CCDC7: variants seen among roughly 807,000 people sequenced by gnomAD.
CCDC7 encodes the protein coiled-coil domain-containing protein 7.
Under a neutral mutation model 196.9 loss-of-function variants are expected in CCDC7, and 183 were observed. The observed-to-expected ratio is 0.93, with a 90% CI of 0.82 to 1.05. The LOEUF (loss-of-function observed/expected upper bound fraction) is 1.05, where lower values mean the gene tolerates loss of function less well. Among genes scored for constraint, CCDC7 ranks in the 50% least tolerant of loss-of-function variants. The probability of loss-of-function intolerance (pLI) is 0.00; values close to 1 mark genes in which losing one functional copy is unlikely to be tolerated. For synonymous variants in CCDC7, 525 were observed against 484.6 expected, an observed-to-expected ratio of 1.08 and a Z score of -1.10; for missense variants, 1,540 against 1,482.2, an observed-to-expected ratio of 1.04 and a Z score of -0.64.
intron 20 of CCDC7, among the ~76,000 whole-genome samples, chr10:32,641,992 T>C (rs1313800353): frequency 6.6e-6 from 1 of 152,182 alleles, no homozygotes; most frequent in Non-Finnish European, 1.5e-5. Flanking sequence ...CAAATGTTGC[T>C]TCCTGATCGT....
rs754747291 is a variant in CCDC7 at position 32,567,164 on chromosome 10, ATTAT to A, written c.1198-501_1198-498del. ...TAGTAATTTTTCTTTATGAGGTGAG[ATTAT>A]TTATGAATTTTCTTTTTATTTATAT... On this transcript the variant is annotated intron_variant, in intron 14 of 41. Coordinates refer to ENST00000639629, the Ensembl canonical transcript of CCDC7. 5.2e-3 allele frequency among the ~76,000 whole-genome samples: 767 copies of A among 146,484 alleles called. 4 individuals carry two copies. The highest frequency in any genetic ancestry group is 9.2e-3 in the Non-Finnish European group (609 of 66,230).
At chr10:32,470,836 T>G (rs2037799065) in intron 5 of CCDC7, among the ~76,000 whole-genome samples, 1 of 152,168 alleles carries the variant, frequency 6.6e-6, no homozygotes, top group East Asian at 1.9e-4. Flanking sequence ...AACAGACAGT[T>G]AGATTTCAGG....
chr10:32,765,271 T>A (rs79035400), intron 28 of CCDC7, among the ~76,000 whole-genome samples: 1 of 151,906 alleles, frequency 6.6e-6, no homozygotes, highest in Non-Finnish European at 1.5e-5. Flanking sequence ...AATAATAAGA[T>A]TTTTTAGGGA....
chr10:32,813,288 G>A (rs77162385), intron 30 of CCDC7, among the ~76,000 whole-genome samples: 81 of 151,984 alleles, frequency 5.3e-4, no homozygotes, highest in African/African-American at 1.7e-3. Context: ...ATTTTTATAC[G>A]TTTTTATCTC....
chr10:32,809,029 T>C (rs1460758108), intron 30 of CCDC7, among the ~76,000 whole-genome samples: 1 of 152,168 alleles, frequency 6.6e-6, no homozygotes, highest in African/African-American at 2.4e-5. Context: ...AAACTTTTTT[T>C]AATTTGAAAA....
At chr10:32,492,356 T>C (rs894753773) in intron 9 of CCDC7, among the ~76,000 whole-genome samples, 1 of 152,086 alleles carries the variant, frequency 6.6e-6, no homozygotes, top group Non-Finnish European at 1.5e-5. Context: ...TACCCCAAAA[T>C]TGAAAACAGA....
intron 24 of CCDC7, among the ~76,000 whole-genome samples, chr10:32,708,140 A>C (rs1258703187): frequency 4.6e-5 from 7 of 152,014 alleles, no homozygotes; most frequent in Non-Finnish European, 8.8e-5. Flanking sequence ...ACCAATGGAA[A>C]AGAATAGAGC....
At chr10:32,800,625 G>A (rs185207787) in intron 29 of CCDC7, among the ~76,000 whole-genome samples, 1 of 152,322 alleles carries the variant, frequency 6.6e-6, no homozygotes, top group Admixed American at 6.5e-5. Flanking sequence ...CCTATGCACA[G>A]TTACCCTAGT....
intron 21 of CCDC7, among the ~76,000 whole-genome samples, chr10:32,685,264 T>C (rs1360023786): frequency 6.6e-6 from 1 of 151,866 alleles, no homozygotes; most frequent in Non-Finnish European, 1.5e-5. Context: ...GGTCAGTTTA[T>C]AGAGATTTTT....
chr10:32,699,715 G>A (rs1391571285), intron 24 of CCDC7, among the ~76,000 whole-genome samples: 1 of 149,370 alleles, frequency 6.7e-6, no homozygotes, highest in Non-Finnish European at 1.5e-5. Flanking sequence ...TCCAGCACCT[G>A]TTGTCTCCTG....
chr10:32,859,777 A>G (rs1462649879), intron 41 of CCDC7, among the ~76,000 whole-genome samples: 1 of 152,238 alleles, frequency 6.6e-6, no homozygotes, highest in Non-Finnish European at 1.5e-5. Context: ...AGAGAATACT[A>G]TAAACGCCTC....
In CCDC7 at chr10:32,711,487, G is replaced by T. The variant is rs2080830703; in HGVS notation, c.2459-133G>T. ...TCTCACCATTTTCATGTCAGAGCTA[G>T]CATTAAGGTAGTTTACTTATAACTT... is the stretch of plus-strand genomic sequence containing the variant. On this transcript the variant is annotated intron_variant, in intron 24 of 41. Coordinates refer to ENST00000639629, the Ensembl canonical transcript of CCDC7. 5.4e-6 allele frequency: 3 copies of T among 553,764 alleles called. No homozygotes were observed. In the South Asian group the frequency reaches 6.9e-5, roughly 13 times the overall value. 34.3% of individuals were successfully genotyped at this position (553,764 alleles called of 1,614,324 possible). A position where few individuals can be genotyped will look rare whatever the true frequency, so the allele number is the denominator to read the frequency against.
chr10:32,559,509 G>A (rs902974210), intron 13 of CCDC7, among the ~76,000 whole-genome samples: 4 of 152,304 alleles, frequency 2.6e-5, no homozygotes, highest in South Asian at 2.1e-4. Flanking sequence ...CAGCATTTGC[G>A]GTTCATGAAA....
chr10:32,458,812 G>A (rs991298152), intron 3 of CCDC7, among the ~76,000 whole-genome samples: 11 of 152,128 alleles, frequency 7.2e-5, no homozygotes, highest in African/African-American at 2.6e-4. Flanking sequence ...AATTAATATT[G>A]TTAAAATGAC....
At chr10:32,585,363 G>A (rs749875233) in intron 18 of CCDC7, among the ~76,000 whole-genome samples, 15 of 152,208 alleles carry the variant, frequency 9.9e-5, no homozygotes, top group Middle Eastern at 3.4e-3. Flanking sequence ...GTGAGCCACC[G>A]CGCCCAGCCA....
At position 32,752,694 on chromosome 10, in the gene CCDC7, A is replaced by G. The variant is rs1159082162; in HGVS notation, c.2905+23237A>G. Among the ~76,000 whole-genome samples the G allele has an allele frequency of 2.0e-5, 3 of 152,296 alleles. No homozygotes were observed. In the East Asian group the frequency reaches 5.8e-4, roughly 29 times the overall value. On this transcript the variant is annotated intron_variant, in intron 28 of 41. Transcript: ENST00000639629. ...GCTTCTCAATGTTATTAGTGGGAGT[A>G]TATAATGATTTAAAATACTCTTAAT...
chr10:32,712,907 A>G (rs961153183), intron 25 of CCDC7, among the ~76,000 whole-genome samples: 1 of 152,176 alleles, frequency 6.6e-6, no homozygotes, highest in Admixed American at 6.5e-5. Flanking sequence ...ATACAGAAAT[A>G]GTGTACAGAT....
At chr10:32,716,837 A>G (rs1400785264) in intron 25 of CCDC7, among the ~76,000 whole-genome samples, 1 of 152,240 alleles carries the variant, frequency 6.6e-6, no homozygotes, top group African/African-American at 2.4e-5. Context: ...CAATGCAACA[A>G]GAAGAGCTAA....
intron 16 of CCDC7, among the ~76,000 whole-genome samples, chr10:32,582,774 A>G (rs1189807470): frequency 5.3e-5 from 8 of 152,158 alleles, no homozygotes; most frequent in Non-Finnish European, 7.4e-5. Flanking sequence ...TTCTTGTTCT[A>G]TGGCTTACAA....
Sources: allele counts gnomAD v4.1 joint callset (sites outside exome capture counted in the v4.1 genomes callset), GRCh38; gene constraint gnomAD v4.1.1; transcripts MANE v1.5; gene names NCBI Gene and HGNC (gene_info 2026-07-23, HGNC 2026-07-21).